RBL1: variants seen among roughly 807,000 people sequenced by gnomAD.
RBL1 encodes the protein RB transcriptional corepressor like 1.
Under a neutral mutation model 123.0 loss-of-function variants are expected in RBL1, and 82 were observed. The ratio of observed to expected loss-of-function variants is 0.67; its 90% CI spans 0.56 to 0.80. RBL1 has a LOEUF of 0.80. Among genes scored for constraint, RBL1 ranks in the 30% least tolerant of loss-of-function variants. The pLI, the probability that RBL1 is intolerant of heterozygous loss-of-function variation, is 0.00. For missense variants in RBL1, 1,171 were observed against 1,299.6 expected (o/e 0.90, Z 1.52); for synonymous variants, 405 against 441.3 (o/e 0.92, Z 1.03).
rs753765019 is a variant in RBL1, at chr20:37,040,153, C to T, written c.1903G>A (p.Asp635Asn). The T allele has an allele frequency of 6.2e-6, 10 of 1,612,798 alleles. No homozygotes were observed. The African/African-American group carries it at 1.2e-4, about 19-fold the overall frequency. The change falls in exon 14 of 22, where the codon GAT (aspartate) becomes AAT (asparagine). Residue 635 changes from aspartate to asparagine, a missense_variant and splice_region_variant. By Grantham distance (23) the Asp-to-Asn change is conservative. Transcript: ENST00000373664. Reference sequence around the variant, plus strand: ...ATTCCTTTACCAATGTTGAACCTACCTCTTCGAAGACTCCCACTGTCAGTT... The same window carrying T: ...ATTCCTTTACCAATGTTGAACCTACTTCTTCGAAGACTCCCACTGTCAGTT... ...VRTDSGSLRRDMQPLSPISVH... is the reference protein window; with the variant it reads ...VRTDSGSLRRNMQPLSPISVH...
chr20:37,086,762 A>G (rs546878593), intron 2 of RBL1, among the ~76,000 whole-genome samples: 2 of 152,282 alleles, frequency 1.3e-5, no homozygotes, highest in African/African-American at 4.8e-5. Context: ...AAATAATTCT[A>G]TATGCTTGAT....
intron 1 of RBL1, among the ~76,000 whole-genome samples, chr20:37,092,859 T>A (rs555640013): frequency 6.6e-6 from 1 of 152,168 alleles, no homozygotes; most frequent in Non-Finnish European, 1.5e-5. Context: ...CAATTCTATT[T>A]GATAAAATCC....
intron 9 of RBL1, among the ~76,000 whole-genome samples, chr20:37,058,821 G>A (rs1299357437): frequency 6.6e-6 from 1 of 151,060 alleles, no homozygotes; most frequent in Non-Finnish European, 1.5e-5. Flanking sequence ...AGAGTACAAT[G>A]GTGTGATCAT....
At chr20:37,066,606 A>G in intron 6 of RBL1, 118 bp downstream of exon 6, 1 of 905,288 alleles carries the variant, frequency 1.1e-6, no homozygotes, top group Non-Finnish European at 1.7e-6. Flanking sequence ...TAGAGGCTAA[A>G]GCCTGGGAAT....
Position 36,997,399 on chromosome 20 carries a change from T to C in RBL1, c.*1360A>G, listed in dbSNP as rs1456157630. ...TAGTACTAAAAAACATCTTCAGGAG[T>C]ACCCAGTGGTCAAACACTAGCAGGA... On this transcript the variant is annotated 3_prime_UTR_variant, in exon 22 of 22. Coordinates refer to ENST00000373664, the MANE Select transcript of RBL1 (RefSeq NM_002895.5). 1 of 152,024 alleles carries C rather than the reference T, an allele frequency of 6.6e-6. No individual in the cohort carries two copies. The highest frequency in any genetic ancestry group is 2.4e-5 in the African/African-American group (1 of 41,384). The allele number at this position is 152,024 out of a possible 1,614,324, so 9.4% of individuals were successfully genotyped here.
At chr20:37,035,053 G>A (rs1240604569) in intron 15 of RBL1, among the ~76,000 whole-genome samples, 189 bp downstream of exon 15, 6 of 151,824 alleles carry the variant, frequency 4.0e-5, no homozygotes, top group Non-Finnish European at 8.8e-5. Context: ...TATGAGAAAT[G>A]TCTGTACCTT....
At chr20:37,037,680 GT>G (rs60536656) in intron 14 of RBL1, among the ~76,000 whole-genome samples, 69 of 143,600 alleles carry the variant, frequency 4.8e-4, no homozygotes, top group South Asian at 6.6e-4. Context: ...ATGCAATCTT[GT>G]TTTTTTTTTT....
intron 2 of RBL1, among the ~76,000 whole-genome samples, chr20:37,085,383 G>A (rs976679620): frequency 9.2e-5 from 14 of 152,010 alleles, no homozygotes; most frequent in Non-Finnish European, 8.8e-5. Context: ...TGATCCACCC[G>A]CCTCAGCCTC....
intron 13 of RBL1, among the ~76,000 whole-genome samples, chr20:37,041,255 G>A (rs1376571461): frequency 3.9e-5 from 6 of 152,262 alleles, no homozygotes; most frequent in South Asian, 2.1e-4. Context: ...AATTTCTCAC[G>A]ATACTACTAT....
chr20:37,061,796 CAAAG>C (rs1436336346), intron 8 of RBL1, among the ~76,000 whole-genome samples: 1 of 152,046 alleles, frequency 6.6e-6, no homozygotes, highest in Non-Finnish European at 1.5e-5. Context: ...TAAGTTGAAG[CAAAG>C]AAAGAACTGT....
chr20:37,067,933 TCTTA>T, intron 3 of RBL1, 49 bp downstream of exon 3: 1 of 1,566,000 alleles, frequency 6.4e-7, no homozygotes, highest in Non-Finnish European at 8.6e-7. Context: ...AAGTATATTC[TCTTA>T]GTTTGTATCA....
intron 7 of RBL1, 33 bp downstream of exon 7, chr20:37,065,391 A>AT: frequency 3.4e-6 from 5 of 1,465,224 alleles, no homozygotes; most frequent in Non-Finnish European, 4.7e-6. Context: ...ACAGCTTGTG[A>AT]TAAGCCAGGC....
At chr20:37,093,683 G>A (rs1018853526) in intron 1 of RBL1, among the ~76,000 whole-genome samples, 2 of 147,196 alleles carry the variant, frequency 1.4e-5, no homozygotes, top group African/African-American at 5.1e-5. Flanking sequence ...ACACTCTTGT[G>A]CAGGGTGGAG....
intron 13 of RBL1, among the ~76,000 whole-genome samples, chr20:37,041,172 T>A (rs2064717769): frequency 6.6e-6 from 1 of 151,786 alleles, no homozygotes. Context: ...ATGAAGTACA[T>A]AAGGAGACAA....
In RBL1 at chr20:37,053,640, G is replaced by C. The variant is rs1028659244; in HGVS notation, c.1467+1913C>G. 4.6e-5 allele frequency among the ~76,000 whole-genome samples: 7 copies of C among 151,970 alleles called. 1 individual carries two copies. The highest frequency in any genetic ancestry group is 4.6e-4 in the Admixed American group (7 of 15,244). On this transcript the variant is annotated intron_variant, in intron 11 of 21. Coordinates refer to ENST00000373664, the MANE Select transcript of RBL1 (RefSeq NM_002895.5). ...TGTCTTTATTTAGAAGTTTGGTGAG[G>C]TTTTTGTGACTAGACATATGCCAAA...
In RBL1 at chr20:37,032,864, T is replaced by C; in HGVS notation, c.2183A>G (p.Asp728Gly). The C allele has an allele frequency of 6.2e-7, 1 of 1,613,994 alleles. No individual in the cohort carries two copies. Among genetic ancestry groups the C allele is most frequent in the Non-Finnish European group, 8.5e-7 (1 of 1,179,992 alleles). Reference sequence around the variant, plus strand: ...AGGTATCAGTGTGATCTCTCCAGCATCATTTGCGACACCTGAATGTATAAG... The same window carrying C: ...AGGTATCAGTGTGATCTCTCCAGCACCATTTGCGACACCTGAATGTATAAG... ...VTIPLHGVAN[D>G]AGEITLIPLS... Residue 728 changes from aspartate to glycine, a missense_variant, in exon 16 of 22, where the codon GAT becomes GGT. Physicochemically the swap from Asp to Gly is moderately conservative, Grantham distance 94. Coordinates refer to ENST00000373664, the MANE Select transcript of RBL1 (RefSeq NM_002895.5).
intron 16 of RBL1, among the ~76,000 whole-genome samples, chr20:37,027,972 C>G (rs2064452433): frequency 6.6e-6 from 1 of 152,168 alleles, no homozygotes; most frequent in Admixed American, 6.6e-5. Context: ...CCAGGCTGGT[C>G]TTGAACTGCA....
intron 21 of RBL1, among the ~76,000 whole-genome samples, chr20:37,003,100 A>T (rs544501360): frequency 6.6e-6 from 1 of 152,188 alleles, no homozygotes; most frequent in African/African-American, 2.4e-5. Flanking sequence ...TAGGAAAGTA[A>T]TAAGAAGGAG....
chr20:37,059,876 A>T (rs1157579649), intron 9 of RBL1, among the ~76,000 whole-genome samples: 1 of 152,120 alleles, frequency 6.6e-6, no homozygotes, highest in East Asian at 1.9e-4. Flanking sequence ...AAACTGTATA[A>T]AATTCCATTT....
Sources: gnomAD v4.1 joint callset for allele counts (sites outside exome capture counted in the v4.1 genomes callset) on GRCh38, gnomAD v4.1.1 for gene constraint, MANE v1.5 for transcripts, NCBI Gene and HGNC (gene_info 2026-07-23, HGNC 2026-07-21) for gene names.